The following RIMS2 variants were observed in gnomAD, a reference collection of about 807,000 sequenced individuals.
RIMS2 encodes the protein regulating synaptic membrane exocytosis 2.
Under a neutral mutation model 174.4 loss-of-function variants are expected in RIMS2, and 59 were observed. The observed-to-expected ratio is 0.34, with a 90% CI of 0.27 to 0.42. The LOEUF is 0.42. Ranked by LOEUF, RIMS2 falls within the 10% of genes least tolerant of loss-of-function variation. The pLI is 1.00. For synonymous variants in RIMS2, 606 were observed against 572.5 expected, an observed-to-expected ratio of 1.06 and a Z score of -0.84; for missense variants, 1,620 against 1,666.3, an observed-to-expected ratio of 0.97 and a Z score of 0.48.
At chr8:103,579,352 T>C (rs549685251) in intron 1 of RIMS2, among the ~76,000 whole-genome samples, 11 of 151,806 alleles carry the variant, frequency 7.2e-5, no homozygotes, top group South Asian at 6.2e-4. Flanking sequence ...AAAAAATACA[T>C]GCAAAAAGAA....
At chr8:103,569,558 G>A (rs1199391230) in intron 1 of RIMS2, among the ~76,000 whole-genome samples, 1 of 151,728 alleles carries the variant, frequency 6.6e-6, no homozygotes, top group Non-Finnish European at 1.5e-5. Context: ...GTAGTTTTCA[G>A]TATACAAATC....
At chr8:103,947,983 T>TA in intron 14 of RIMS2, among the ~76,000 whole-genome samples, 1 of 152,240 alleles carries the variant, frequency 6.6e-6, no homozygotes, top group Admixed American at 6.5e-5. Flanking sequence ...AAGGAGCCCT[T>TA]AAAATGCAAT....
intron 1 of RIMS2, among the ~76,000 whole-genome samples, chr8:103,519,017 C>T (rs1397944480): frequency 2.0e-5 from 3 of 152,222 alleles, no homozygotes; most frequent in African/African-American, 4.8e-5. Context: ...CGGTCCTTCA[C>T]AGCCCCTCTC....
chr8:103,652,710 C>T lies in RIMS2; in HGVS notation c.177-44376C>T, dbSNP rs767928685. The T allele has an allele frequency of 2.0e-5, 27 of 1,341,422 alleles. No homozygotes were observed. The Admixed American group carries it at 2.1e-4, about 11-fold the overall frequency. The allele number at this position is 1,341,422 out of a possible 1,614,324, so 83.1% of individuals were successfully genotyped here. ...CAACAAAATGAAAAGGAGCCCCAGA[C>T]GTAAGTAAGCTGATCTATATAGACT... On this transcript the variant is annotated intron_variant, in intron 1 of 23. Coordinates refer to ENST00000504942, the Ensembl canonical transcript of RIMS2.
At chr8:104,233,977 T>C (rs1314021485) in intron 19 of RIMS2, among the ~76,000 whole-genome samples, 2 of 152,264 alleles carry the variant, frequency 1.3e-5, no homozygotes, top group East Asian at 3.9e-4. Flanking sequence ...ATTTGGCCAA[T>C]AGGCTCTCTC....
chr8:103,648,637 A>G (rs1249647919), intron 1 of RIMS2, among the ~76,000 whole-genome samples: 1 of 152,194 alleles, frequency 6.6e-6, no homozygotes, highest in Non-Finnish European at 1.5e-5. Flanking sequence ...TTAGGTGCAT[A>G]TATATTTAGG....
chr8:104,009,107 ATTACT>A (rs1032595038), intron 17 of RIMS2, among the ~76,000 whole-genome samples: 6 of 151,610 alleles, frequency 4.0e-5, no homozygotes, highest in African/African-American at 1.5e-4. Context: ...AGTTGTCATA[ATTACT>A]TTAAGTTATT....
At chr8:103,905,526 T>G (rs2074184503) in intron 4 of RIMS2, among the ~76,000 whole-genome samples, 1 of 152,112 alleles carries the variant, frequency 6.6e-6, no homozygotes, top group African/African-American at 2.4e-5. Flanking sequence ...CGTTTTTAGT[T>G]TTAGTTTGAT....
chr8:103,776,838 A>T (rs752001410), intron 3 of RIMS2, among the ~76,000 whole-genome samples: 116 of 152,280 alleles, frequency 7.6e-4, no homozygotes, highest in Non-Finnish European at 1.4e-3. Flanking sequence ...GCTGTGAAGC[A>T]TGACTTTTCC....
chr8:104,013,029 G>A (rs1012757532), intron 17 of RIMS2, among the ~76,000 whole-genome samples: 30 of 152,030 alleles, frequency 2.0e-4, no homozygotes, highest in Admixed American at 1.8e-3. Context: ...ATCTTAGTTG[G>A]TATAGTACTA....
At chr8:103,534,016 A>T (rs1421727397) in intron 1 of RIMS2, among the ~76,000 whole-genome samples, 1 of 152,226 alleles carries the variant, frequency 6.6e-6, no homozygotes, top group Non-Finnish European at 1.5e-5. Flanking sequence ...TTTGAGCTCA[A>T]GGCTGACGTT....
intron 19 of RIMS2, among the ~76,000 whole-genome samples, chr8:104,079,917 G>C (rs887480971): frequency 1.3e-5 from 2 of 151,490 alleles, no homozygotes; most frequent in Admixed American, 1.3e-4. Flanking sequence ...AGTAGGATAG[G>C]ATAGTTTGAA....
chr8:103,805,075 G>A (rs2098641125), intron 3 of RIMS2, among the ~76,000 whole-genome samples: 1 of 152,046 alleles, frequency 6.6e-6, no homozygotes, highest in Admixed American at 6.6e-5. Flanking sequence ...ATTACAGGAT[G>A]AACCACCACA....
chr8:103,566,782 C>A (rs977195766), intron 1 of RIMS2, among the ~76,000 whole-genome samples: 2 of 152,066 alleles, frequency 1.3e-5, no homozygotes, highest in South Asian at 4.2e-4. Context: ...TTTTCCTGGC[C>A]AGTTCTTACT....
intron 3 of RIMS2, among the ~76,000 whole-genome samples, chr8:103,874,982 T>C (rs1487132154): frequency 6.6e-6 from 1 of 152,068 alleles, no homozygotes; most frequent in Non-Finnish European, 1.5e-5. Flanking sequence ...TTGTTTCTTT[T>C]GGTTTTTTGC....
chr8:103,555,641 A>G (rs1278622914), intron 1 of RIMS2, among the ~76,000 whole-genome samples: 2 of 152,158 alleles, frequency 1.3e-5, no homozygotes, highest in Non-Finnish European at 2.9e-5. Flanking sequence ...ATGAATAAAG[A>G]AAAAATCTGG....
chr8:103,545,953 C>G (rs1844852473), intron 1 of RIMS2, among the ~76,000 whole-genome samples: 1 of 152,154 alleles, frequency 6.6e-6, no homozygotes. Flanking sequence ...ATCACTGACA[C>G]TATAATGCAA....
At chr8:103,743,995 T>C (rs2097784391) in intron 2 of RIMS2, among the ~76,000 whole-genome samples, 1 of 152,184 alleles carries the variant, frequency 6.6e-6, no homozygotes, top group African/African-American at 2.4e-5. Context: ...AGTTAAATGG[T>C]ATTGATTATA....
chr8:103,609,666 G>C (rs1287216688), intron 1 of RIMS2, among the ~76,000 whole-genome samples: 1 of 152,012 alleles, frequency 6.6e-6, no homozygotes, highest in Non-Finnish European at 1.5e-5. Flanking sequence ...GGTTGTAGGT[G>C]TGTGGCATTA....
Sources: allele counts gnomAD v4.1 joint callset (sites outside exome capture counted in the v4.1 genomes callset), GRCh38; gene constraint gnomAD v4.1.1; transcripts MANE v1.5; gene names NCBI Gene and HGNC (gene_info 2026-07-23, HGNC 2026-07-21).